Variants in UBAC2 observed in about 807,000 individuals in gnomAD.
UBAC2 encodes ubiquitin-associated domain-containing protein 2.
Under a neutral mutation model 44.0 loss-of-function variants are expected in UBAC2, and 26 were observed. The observed-to-expected ratio is 0.59, with a 90% CI of 0.43 to 0.82. UBAC2 has a LOEUF of 0.82. Ranked by LOEUF, UBAC2 falls within the 40% of genes least tolerant of loss-of-function variation. UBAC2 has a pLI of 0.00. For missense variants in UBAC2, 329 were observed against 419.4 expected (o/e 0.78, Z 1.88); for synonymous variants, 155 against 154.3 (o/e 1.00, Z -0.04).
chr13:99,266,563 A>G (rs2043746520), intron 4 of UBAC2, among the ~76,000 whole-genome samples: 1 of 152,148 alleles, frequency 6.6e-6, no homozygotes, highest in Non-Finnish European at 1.5e-5. Flanking sequence ...TTTTCTCTGT[A>G]GGACTATGTG....
intron 4 of UBAC2, among the ~76,000 whole-genome samples, chr13:99,283,769 C>G (rs561999517): frequency 1.5e-4 from 18 of 117,444 alleles, no homozygotes; most frequent in Non-Finnish European, 2.1e-4. Flanking sequence ...GAGTCTTGCT[C>G]TTTTACCCAG....
chr13:99,304,093 T>C (rs1464240002), intron 4 of UBAC2, among the ~76,000 whole-genome samples: 3 of 152,172 alleles, frequency 2.0e-5, no homozygotes, highest in African/African-American at 7.2e-5. Flanking sequence ...AAGCTCTGTG[T>C]CATGACACAC....
At position 99,243,817 on chromosome 13, in the gene UBAC2, T is replaced by A; in HGVS notation, c.160-15T>A. On this transcript the variant is annotated splice_polypyrimidine_tract_variant and intron_variant, in intron 2 of 8. Transcript: ENST00000403766. ...TTTACTCTTGTTTATTGTTCTTTTT[T>A]AAATCCCCATCTAGATTTGGAGGTT... The A allele has an allele frequency of 6.4e-7, 1 of 1,551,400 alleles. No individual in the cohort carries two copies. Among genetic ancestry groups the A allele is most frequent in the Non-Finnish European group, 8.7e-7 (1 of 1,148,400 alleles).
chr13:99,268,634 A>G (rs943361114), intron 4 of UBAC2, among the ~76,000 whole-genome samples: 7 of 141,428 alleles, frequency 4.9e-5, no homozygotes, highest in African/African-American at 1.3e-4. Flanking sequence ...AAAAAAAAAA[A>G]GAAACACAAA....
intron 4 of UBAC2, among the ~76,000 whole-genome samples, chr13:99,297,784 AG>A (rs962820208): frequency 6.6e-6 from 1 of 152,072 alleles, no homozygotes; most frequent in African/African-American, 2.4e-5. Context: ...TGCCTATTAC[AG>A]GACAGAGACT....
chr13:99,244,350 T>C (rs530801209), intron 3 of UBAC2, among the ~76,000 whole-genome samples, 165 bp from the exon 4 acceptor site: 1 of 152,324 alleles, frequency 6.6e-6, no homozygotes, highest in African/African-American at 2.4e-5. Flanking sequence ...TCTATTTTAA[T>C]AAAAACAAAT....
At chr13:99,202,072 CAA>C (rs776251286) in intron 1 of UBAC2, among the ~76,000 whole-genome samples, 4,189 of 71,820 alleles carry the variant, frequency 0.058, 46 homozygotes, top group South Asian at 0.17. Flanking sequence ...GACTCCATCT[CAA>C]AAAAAAAAAA....
At chr13:99,222,762 T>C (rs2043064810) in intron 1 of UBAC2, among the ~76,000 whole-genome samples, 1 of 152,264 alleles carries the variant, frequency 6.6e-6, no homozygotes. Context: ...GATGTTTTGT[T>C]GAGAATTTTG....
intron 4 of UBAC2, among the ~76,000 whole-genome samples, chr13:99,250,960 A>G (rs968080966): frequency 6.6e-6 from 1 of 152,108 alleles, no homozygotes; most frequent in African/African-American, 2.4e-5. Flanking sequence ...TGCATTAGCC[A>G]GGATGGTCTC....
At chr13:99,219,922 T>C (rs561593315) in intron 1 of UBAC2, among the ~76,000 whole-genome samples, 3 of 152,340 alleles carry the variant, frequency 2.0e-5, no homozygotes, top group African/African-American at 7.2e-5. Flanking sequence ...CTGAATAATA[T>C]TCTATTGTAT....
intron 4 of UBAC2, among the ~76,000 whole-genome samples, chr13:99,273,995 A>T (rs1459422806): frequency 6.6e-6 from 1 of 151,740 alleles, no homozygotes; most frequent in African/African-American, 2.4e-5. Flanking sequence ...AAATGTATAT[A>T]TCTTGAGTCC....
intron 7 of UBAC2, among the ~76,000 whole-genome samples, chr13:99,346,597 C>T (rs2044986158): frequency 6.6e-6 from 1 of 152,198 alleles, no homozygotes; most frequent in African/African-American, 2.4e-5. Flanking sequence ...AATGAACTTC[C>T]CTGTACCAAC....
chr13:99,336,946 C>G (rs552238253), intron 6 of UBAC2, among the ~76,000 whole-genome samples: 1 of 152,144 alleles, frequency 6.6e-6, no homozygotes, highest in African/African-American at 2.4e-5. Context: ...CCACCTCCCT[C>G]CTGTGACCCC....
chr13:99,291,431 A>C (rs2044087901), intron 4 of UBAC2, among the ~76,000 whole-genome samples: 1 of 152,124 alleles, frequency 6.6e-6, no homozygotes, highest in African/African-American at 2.4e-5. Context: ...TCTTCACCCA[A>C]ATAGTCAGTG....
intron 8 of UBAC2, among the ~76,000 whole-genome samples, chr13:99,370,926 A>G (rs1399645779): frequency 1.3e-5 from 2 of 152,212 alleles, no homozygotes; most frequent in Admixed American, 1.3e-4. Context: ...ATCTTCCTAT[A>G]ACATGTTTAA....
intron 8 of UBAC2, among the ~76,000 whole-genome samples, chr13:99,383,389 CTGTTTTT>C (rs966277152): frequency 7.9e-5 from 12 of 152,204 alleles, no homozygotes; most frequent in East Asian, 1.9e-4. Context: ...TTGTTAGCTA[CTGTTTTT>C]TGTTTTTTGT....
chr13:99,290,435 A>G (rs2044074399), intron 4 of UBAC2, among the ~76,000 whole-genome samples: 2 of 152,104 alleles, frequency 1.3e-5, no homozygotes, highest in Admixed American at 1.3e-4. Flanking sequence ...GGGCAAAGAA[A>G]ACAGGCAAGG....
In UBAC2 at chr13:99,236,925, G is replaced by A. The variant is rs147980884; in HGVS notation, c.32-1502G>A. On this transcript the variant is annotated intron_variant, in intron 1 of 8. Transcript: ENST00000403766. ...AAAGGAGAACCCTGGTACACTGTTG[G>A]TGGGAATGTAAATTAGTACAGTCAC... Among the ~76,000 whole-genome samples the A allele has an allele frequency of 4.4e-3, 663 of 152,192 alleles. 6 individuals are homozygous for A. Among genetic ancestry groups the A allele is most frequent in the South Asian group, 0.027 (130 of 4,822 alleles).
At chr13:99,328,830 ATTG>A (rs61432643) in intron 6 of UBAC2, among the ~76,000 whole-genome samples, 71,168 of 151,810 alleles carry the variant, frequency 0.47, 18,909 homozygotes, top group Non-Finnish European at 0.61. Context: ...TGATTAATTC[ATTG>A]TTAACTGGTT....
Sources: gnomAD v4.1 joint callset for allele counts (sites outside exome capture counted in the v4.1 genomes callset) on GRCh38, gnomAD v4.1.1 for gene constraint, MANE v1.5 for transcripts, NCBI Gene and HGNC (gene_info 2026-07-23, HGNC 2026-07-21) for gene names.